Variants in GCKR observed in about 807,000 individuals in gnomAD.
GCKR encodes the protein glucokinase regulatory protein.
A neutral mutation model predicts 82.9 loss-of-function variants in GCKR; 73 were observed. That is an observed-to-expected ratio of 0.88 (90% CI 0.73 to 1.07). GCKR has a LOEUF of 1.07. Among genes scored for constraint, GCKR ranks in the 50% least tolerant of loss-of-function variants. The pLI is 0.00. For synonymous variants in GCKR, 294 were observed against 291.8 expected (o/e 1.01, Z -0.08); for missense variants, 784 against 782.1 (o/e 1.00, Z -0.03).
At chr2:27,521,655 CT>C (rs1168240858) in intron 17 of GCKR, among the ~76,000 whole-genome samples, 1 of 151,256 alleles carries the variant, frequency 6.6e-6, no homozygotes, top group African/African-American at 2.4e-5. Context: ...TCACCTATTT[CT>C]TTTTTTAATG....
chr2:27,497,293 T>A lies in GCKR; in HGVS notation c.110T>A (p.Leu37Gln), dbSNP rs762664176. 10 of 1,614,186 alleles carry A rather than the reference T, an allele frequency of 6.2e-6. No homozygotes were observed. The highest frequency in any genetic ancestry group is 7.6e-6 in the Non-Finnish European group (9 of 1,179,998). The change falls in exon 2 of 19, where the codon CTG (leucine) becomes CAG (glutamine). Residue 37 changes from leucine to glutamine, a missense_variant. Transcript: ENST00000264717. ...CCAATCACGGAGAAGTCAAACCCAC[T>A]GACCCAGGATCTAGACAAAGCAGAT... ...AVPITEKSNP[L>Q]TQDLDKADAE...
intron 9 of GCKR, among the ~76,000 whole-genome samples, chr2:27,504,941 C>T (rs1222668785): frequency 7.2e-5 from 11 of 151,876 alleles, no homozygotes; most frequent in Admixed American, 7.2e-4. Context: ...GCTTGGCTAA[C>T]ATGGTGAAAC....
At chr2:27,522,778 G>T (rs8179250) in intron 18 of GCKR, among the ~76,000 whole-genome samples, 184 bp downstream of exon 18, 44 of 152,234 alleles carry the variant, frequency 2.9e-4, no homozygotes, top group African/African-American at 1.0e-3. Context: ...CAAAGTGAAG[G>T]TTTCTTTCTG....
Position 27,523,407 on chromosome 2 carries a change from C to A in GCKR, c.1846C>A (p.Pro616Thr). The A allele has an allele frequency of 6.2e-7, 1 of 1,609,986 alleles. No homozygotes were observed. ...GCCAGGTCAGAAGCGCACTGCGGAC[C>A]CCCTCGAGATCCTAGAGCCTGACGT... ...AGPGQKRTAD[P>T]LEILEPDVQ The change falls in exon 19 of 19, where the codon CCC becomes ACC. Residue 616 changes from proline (P) to threonine (T), a missense_variant. Transcript: ENST00000264717.
Position 27,505,762 on chromosome 2 carries a change from C to T in GCKR, c.795C>T (p.Ala265=). 2 of 1,612,870 alleles carry T rather than the reference C, an allele frequency of 1.2e-6. No individual in the cohort carries two copies. The highest frequency in any genetic ancestry group is 1.7e-4 in the Middle Eastern group (1 of 6,012). ...CCTCCCGGATGAAAGGTGGAAGTGCCACCAAGATTCTGCTGGAAACCCTGT... is the reference window on the plus strand; with the variant it reads ...CCTCCCGGATGAAAGGTGGAAGTGCTACCAAGATTCTGCTGGAAACCCTGT... ...SGSSRMKGGS[A]TKILLETLLL... The change falls in exon 10 of 19, where the codon GCC becomes GCT. Residue 265 remains alanine (A), a synonymous_variant. Transcript: ENST00000264717.
intron 8 of GCKR, 82 bp downstream of exon 8, chr2:27,501,311 G>C (rs1402883443): frequency 1.1e-6 from 1 of 884,046 alleles, no homozygotes; most frequent in Non-Finnish European, 1.9e-6. Flanking sequence ...CCACAAGGGA[G>C]AGAACAGATA....
At position 27,508,202 on chromosome 2, in the gene GCKR, G is replaced by C; in HGVS notation, c.1373G>C (p.Ser458Thr). ...AAGAAGCTCTTTCCCTCCATCATCA[G>C]CATCACATGGCCACTGCTTTTCTTT... is the stretch of plus-strand genomic sequence containing the variant. ...PLKKLFPSIISITWPLLFFEY... is the reference protein window; with the variant it reads ...PLKKLFPSIITITWPLLFFEY... Residue 458 changes from serine to threonine, a missense_variant, in exon 16 of 19, where the codon AGC becomes ACC. Physicochemically the swap from Ser to Thr is moderately conservative, Grantham distance 58. Coordinates refer to ENST00000264717, the MANE Select transcript of GCKR (RefSeq NM_001486.4). 6.2e-7 allele frequency: 1 copy of C among 1,612,526 alleles called. No individual in the cohort carries two copies. Among genetic ancestry groups the C allele is most frequent in the Non-Finnish European group, 8.5e-7 (1 of 1,178,566 alleles).
Position 27,522,526 on chromosome 2 carries a change from C to A in GCKR, c.1639C>A (p.Pro547Thr), listed in dbSNP as rs559473148. The change falls in exon 18 of 19, where the codon CCA becomes ACA. Residue 547 changes from proline to threonine, a missense_variant. Coordinates refer to ENST00000264717, the MANE Select transcript of GCKR (RefSeq NM_001486.4). ...SLLRAIHFPQPLSDDIRAAPI... is the reference protein window; with the variant it reads ...SLLRAIHFPQTLSDDIRAAPI... ...CCTCCGAGCGATCCACTTTCCCCAG[C>A]CACTGTCAGATGATATTCGGGCTGC... 149 of 1,613,936 alleles carry A rather than the reference C, an allele frequency of 9.2e-5. No individual in the cohort carries two copies. The South Asian group carries it at 1.5e-3, about 16-fold the overall frequency.
chr2:27,507,273 A>G lies in GCKR; in HGVS notation c.1105A>G (p.Ser369Gly), dbSNP rs1169465381. Residue 369 changes from serine (S) to glycine (G), a missense_variant, in exon 13 of 19, where the codon AGT becomes GGT. Physicochemically the swap from Ser to Gly is moderately conservative, Grantham distance 56. Transcript: ENST00000264717. ...CCGTGGCTTTCTCATTGGTGATCAC[A>G]GTGACATGTTTAACCAGAAGGCTGA... ...DVRGFLIGDHSDMFNQKAELT... is the reference protein window; with the variant it reads ...DVRGFLIGDHGDMFNQKAELT... The G allele has an allele frequency of 1.2e-6, 2 of 1,613,240 alleles. No homozygotes were observed. Among genetic ancestry groups the G allele is most frequent in the Non-Finnish European group, 1.7e-6 (2 of 1,179,180 alleles).
At chr2:27,507,435 G>A (rs1442752032) in intron 13 of GCKR, 124 bp downstream of exon 13, 8 of 778,536 alleles carry the variant, frequency 1.0e-5, no homozygotes, top group East Asian at 2.4e-5. Context: ...AAGAGAATAT[G>A]GGTCAGAAGT....
At chr2:27,503,653 C>G in intron 9 of GCKR, 34 bp downstream of exon 9, 1 of 1,087,598 alleles carries the variant, frequency 9.2e-7, no homozygotes, top group East Asian at 2.4e-5. Flanking sequence ...TTCTCCACCC[C>G]TCCAACACCT....
intron 7 of GCKR, among the ~76,000 whole-genome samples, chr2:27,500,084 T>C (rs1358364661): frequency 1.1e-4 from 16 of 151,566 alleles, no homozygotes. Context: ...TTAGTTTTTG[T>C]TTTTGTTTTG....
chr2:27,504,599 C>T (rs375902294), intron 9 of GCKR, among the ~76,000 whole-genome samples: 9 of 151,760 alleles, frequency 5.9e-5, no homozygotes, highest in African/African-American at 1.9e-4. Flanking sequence ...CCGCCCGCCT[C>T]GGCCTCCCAA....
intron 16 of GCKR, among the ~76,000 whole-genome samples, chr2:27,513,698 A>G (rs752967205): frequency 2.1e-4 from 32 of 152,092 alleles, no homozygotes; most frequent in Non-Finnish European, 4.3e-4. Context: ...TCAAAATGAG[A>G]GTTCATTCAA....
rs576057271 is a variant in GCKR, at chr2:27,497,734, C to T, written c.285+104C>T. 14 of 760,604 alleles carry T rather than the reference C, an allele frequency of 1.8e-5. No individual in the cohort carries two copies. The Admixed American group carries it at 2.7e-4, about 15-fold the overall frequency. 47.1% of individuals were successfully genotyped at this position (760,604 alleles called of 1,614,324 possible). ...TGATAGATCTCATTCTCCTTTCTCC[C>T]TTTTGGAGATCCTCCCTTTTGGATC... On this transcript the variant is annotated intron_variant, in intron 3 of 18. Transcript: ENST00000264717.
chr2:27,519,087 C>T (rs1670085980), intron 17 of GCKR, 150 bp downstream of exon 17: 2 of 680,020 alleles, frequency 2.9e-6, no homozygotes, highest in East Asian at 2.6e-5. Context: ...GCATCTTCCC[C>T]TTAAGGAGTG....
intron 8 of GCKR, 54 bp from the exon 9 acceptor site, chr2:27,503,460 T>G: frequency 1.0e-6 from 1 of 969,944 alleles, no homozygotes. Flanking sequence ...GCTGAGGCCC[T>G]TCTTTGAGAT....
intron 7 of GCKR, 101 bp downstream of exon 7, chr2:27,499,551 C>T (rs1395996150): frequency 1.1e-6 from 1 of 915,754 alleles, no homozygotes; most frequent in African/African-American, 1.6e-5. Flanking sequence ...TGCTAGAAGG[C>T]AGGAAGTTTG....
chr2:27,521,334 A>AT (rs535172762), intron 17 of GCKR, among the ~76,000 whole-genome samples: 303 of 141,898 alleles, frequency 2.1e-3, no homozygotes, highest in South Asian at 0.014. Context: ...GTGAAATCAC[A>AT]TTTTTTTTTT....
Sources: gnomAD v4.1 joint callset for allele counts (sites outside exome capture counted in the v4.1 genomes callset) on GRCh38, gnomAD v4.1.1 for gene constraint, MANE v1.5 for transcripts, NCBI Gene and HGNC (gene_info 2026-07-23, HGNC 2026-07-21) for gene names.